The following CDH13 variants were observed in gnomAD, a reference collection of about 807,000 sequenced individuals.
CDH13 encodes cadherin-13.
In CDH13, 24 loss-of-function variants were observed where a neutral mutation model predicts 63.8. The observed-to-expected ratio is 0.38, with a 90% confidence interval of 0.27 to 0.53. The LOEUF (loss-of-function observed/expected upper bound fraction) is 0.53, where lower values mean the gene tolerates loss of function less well. Among genes scored for constraint, CDH13 ranks in the 20% least tolerant of loss-of-function variants. The pLI, the probability that CDH13 is intolerant of heterozygous loss-of-function variation, is 0.85. For missense variants in CDH13, 1,049 were observed against 903.1 expected (o/e 1.16, Z -2.07); for synonymous variants, 503 against 355.3 (o/e 1.42, Z -4.67).
intron 8 of CDH13, among the ~76,000 whole-genome samples, chr16:83,614,370 G>C (rs1256792738): frequency 1.3e-5 from 2 of 152,118 alleles, no homozygotes; most frequent in Non-Finnish European, 2.9e-5. Context: ...CCTCCACTTT[G>C]GCCGACCTTG....
chr16:82,791,662 G>T (rs2036311737), intron 1 of CDH13, among the ~76,000 whole-genome samples: 1 of 152,312 alleles, frequency 6.6e-6, no homozygotes, highest in Admixed American at 6.5e-5. Flanking sequence ...GGATCCAGCA[G>T]GGTGTCCACT....
At chr16:83,168,356 CATGT>C (rs1262175574) in intron 4 of CDH13, among the ~76,000 whole-genome samples, 7 of 151,944 alleles carry the variant, frequency 4.6e-5, no homozygotes, top group Admixed American at 4.6e-4. Context: ...AACACGCATA[CATGT>C]ATGTATGTGT....
intron 10 of CDH13, among the ~76,000 whole-genome samples, chr16:83,682,265 A>T (rs1474228112): frequency 6.6e-6 from 1 of 152,088 alleles, no homozygotes; most frequent in African/African-American, 2.4e-5. Flanking sequence ...CACACCAGGG[A>T]GGCTCCCTTC....
rs142511537 is a variant in CDH13, at chr16:83,216,298, C to G, written c.484-1047C>G. Among the ~76,000 whole-genome samples, 843 of 149,316 alleles carry G rather than the reference C, an allele frequency of 5.6e-3. 2 individuals carry two copies. The highest frequency in any genetic ancestry group is 0.01 in the Middle Eastern group (3 of 286). On this transcript the variant is annotated intron_variant, in intron 4 of 13. Coordinates refer to ENST00000567109, the MANE Select transcript of CDH13 (RefSeq NM_001257.5). The stretch of plus-strand genomic sequence containing the variant: ...TGTGGTTCTGAACCCATTTTTATCT[C>G]TTTCATAGCTTTGGCCATGGCCAGC...
chr16:83,702,649 C>A (rs1211885795), intron 10 of CDH13, among the ~76,000 whole-genome samples: 1 of 152,196 alleles, frequency 6.6e-6, no homozygotes, highest in Non-Finnish European at 1.5e-5. Context: ...CTCATCTCCC[C>A]ACCAGGCCAT....
intron 5 of CDH13, among the ~76,000 whole-genome samples, chr16:83,239,898 T>C (rs1384202644): frequency 1.3e-5 from 2 of 152,076 alleles, no homozygotes; most frequent in African/African-American, 4.8e-5. Context: ...GTGCATGATA[T>C]TGTAGTCTAT....
intron 1 of CDH13, among the ~76,000 whole-genome samples, chr16:82,731,145 G>T (rs935718197): frequency 5.3e-5 from 8 of 152,138 alleles, no homozygotes; most frequent in African/African-American, 1.9e-4. Flanking sequence ...ACACCTCAGG[G>T]CTAGATGTCT....
chr16:82,728,401 G>C (rs1217281995), intron 1 of CDH13, among the ~76,000 whole-genome samples: 1 of 151,748 alleles, frequency 6.6e-6, no homozygotes. Context: ...TTTGGTTCTA[G>C]ACCACAGCAA....
chr16:82,664,577 C>T (rs892547613), intron 1 of CDH13, among the ~76,000 whole-genome samples: 1 of 152,218 alleles, frequency 6.6e-6, no homozygotes, highest in Non-Finnish European at 1.5e-5. Flanking sequence ...GGAGCCTTTA[C>T]ATTTGATGAC....
chr16:83,726,616 A>C (rs1451216054), intron 10 of CDH13, among the ~76,000 whole-genome samples: 1 of 152,176 alleles, frequency 6.6e-6, no homozygotes, highest in Admixed American at 6.5e-5. Context: ...CGGGCAGATC[A>C]CGAGGTGAGG....
chr16:83,482,149 G>C (rs1434675647), intron 6 of CDH13, among the ~76,000 whole-genome samples: 1 of 152,172 alleles, frequency 6.6e-6, no homozygotes, highest in Non-Finnish European at 1.5e-5. Context: ...CTTCTTGGAA[G>C]ACAAGGTACT....
At chr16:83,651,786 G>C (rs1397487701) in intron 8 of CDH13, among the ~76,000 whole-genome samples, 1 of 151,942 alleles carries the variant, frequency 6.6e-6, no homozygotes, top group Non-Finnish European at 1.5e-5. Context: ...AGTAGAGACA[G>C]GGTTTCACCA....
intron 2 of CDH13, among the ~76,000 whole-genome samples, chr16:82,865,170 G>C (rs1187330439): frequency 6.6e-6 from 1 of 152,218 alleles, no homozygotes; most frequent in Non-Finnish European, 1.5e-5. Context: ...GGCTGGCGTT[G>C]AGTGTCTGTA....
intron 7 of CDH13, among the ~76,000 whole-genome samples, chr16:83,509,103 C>G (rs183271220): frequency 6.6e-6 from 1 of 152,222 alleles, no homozygotes; most frequent in African/African-American, 2.4e-5. Context: ...ACTCAACCCC[C>G]TTCTTCCCCA....
rs140611004 is a variant in CDH13 at position 83,196,007 on chromosome 16, G to A, written c.484-21338G>A. On this transcript the variant is annotated intron_variant, in intron 4 of 13. Coordinates refer to ENST00000567109, the MANE Select transcript of CDH13 (RefSeq NM_001257.5). ...CCAGTAGCTCACAACTGTAATCCCA[G>A]CACTTTGGGAGGCCGAGGCAGGCGG... 7.7e-4 allele frequency among the ~76,000 whole-genome samples: 117 copies of A among 152,292 alleles called. 1 individual carries two copies. The highest frequency in any genetic ancestry group is 2.7e-3 in the African/African-American group (113 of 41,556).
At chr16:82,649,397 G>A (rs1458255306) in intron 1 of CDH13, among the ~76,000 whole-genome samples, 2 of 152,118 alleles carry the variant, frequency 1.3e-5, no homozygotes, top group Non-Finnish European at 2.9e-5. Context: ...ATGTTATAGT[G>A]GAAAATAGGG....
At chr16:82,890,205 A>T (rs2041030382) in intron 2 of CDH13, among the ~76,000 whole-genome samples, 1 of 152,206 alleles carries the variant, frequency 6.6e-6, no homozygotes, top group Non-Finnish European at 1.5e-5. Context: ...CATACTTAAC[A>T]TGGAAAATTA....
At chr16:83,491,612 G>C (rs1332923501) in intron 7 of CDH13, among the ~76,000 whole-genome samples, 2 of 148,822 alleles carry the variant, frequency 1.3e-5, no homozygotes, top group African/African-American at 2.5e-5. Flanking sequence ...TTCCAAAATA[G>C]ACTCATAAAA....
intron 6 of CDH13, among the ~76,000 whole-genome samples, chr16:83,434,957 T>TAA (rs1288054859): frequency 6.9e-6 from 1 of 144,330 alleles, no homozygotes; most frequent in Non-Finnish European, 1.5e-5. Flanking sequence ...ATATAAAACA[T>TAA]AGGGGTTTTA....
Sources: gnomAD v4.1 joint callset for allele counts (sites outside exome capture counted in the v4.1 genomes callset) on GRCh38, gnomAD v4.1.1 for gene constraint, MANE v1.5 for transcripts, NCBI Gene and HGNC (gene_info 2026-07-23, HGNC 2026-07-21) for gene names.